Variants in GRM8 observed in about 807,000 individuals in gnomAD.
The protein encoded by GRM8 is glutamate metabotropic receptor 8, also known as metabotropic glutamate receptor 8.
Under a neutral mutation model 87.2 loss-of-function variants are expected in GRM8, and 47 were observed. The ratio of observed to expected loss-of-function variants is 0.54; its 90% CI spans 0.43 to 0.69. The LOEUF is 0.69. Among genes scored for constraint, GRM8 ranks in the 30% least tolerant of loss-of-function variants. The probability of loss-of-function intolerance (pLI) is 0.00; values close to 1 mark genes in which losing one functional copy is unlikely to be tolerated. For synonymous variants in GRM8, 396 were observed against 404.5 expected, an observed-to-expected ratio of 0.98 and a Z score of 0.25; for missense variants, 1,019 against 1,139.2, an observed-to-expected ratio of 0.89 and a Z score of 1.52.
At chr7:126,524,179 T>TA (rs977210667) in intron 9 of GRM8, among the ~76,000 whole-genome samples, 6 of 151,938 alleles carry the variant, frequency 3.9e-5, no homozygotes, top group Admixed American at 3.9e-4. Flanking sequence ...AACAAAAAGT[T>TA]AAAAAAAATC....
chr7:127,231,364 C>T (rs1023685530), intron 2 of GRM8, among the ~76,000 whole-genome samples: 4 of 152,284 alleles, frequency 2.6e-5, no homozygotes, highest in African/African-American at 9.6e-5. Context: ...TGATTTCTTT[C>T]CCTGTGAAGT....
chr7:126,906,595 G>A lies in GRM8; in HGVS notation c.728-1912C>T, dbSNP rs1241587512. On this transcript the variant is annotated intron_variant, in intron 3 of 10. Transcript: ENST00000339582. The stretch of plus-strand genomic sequence containing the variant: ...AGGTTCATCAGCAGGAGAAATATAT[G>A]CTGAGCTTTATGCTTTAGGTAGACT... Among the ~76,000 whole-genome samples, 6 of 152,322 alleles carry A rather than the reference G, an allele frequency of 3.9e-5. No homozygotes were observed. In the South Asian group the frequency reaches 1.0e-3, roughly 26 times the overall value.
intron 7 of GRM8, among the ~76,000 whole-genome samples, chr7:126,722,452 A>G (rs1431399516): frequency 2.6e-5 from 4 of 152,094 alleles, no homozygotes; most frequent in Admixed American, 6.6e-5. Flanking sequence ...AGCCTTTTAG[A>G]TCTTTCTGCC....
chr7:126,804,015 TA>T (rs1792388689), intron 6 of GRM8, among the ~76,000 whole-genome samples: 1 of 148,780 alleles, frequency 6.7e-6, no homozygotes, highest in African/African-American at 2.6e-5. Context: ...AAAAATGGAA[TA>T]GTTAACTTAC....
chr7:126,975,042 A>T (rs1810847488), intron 3 of GRM8, among the ~76,000 whole-genome samples: 1 of 151,164 alleles, frequency 6.6e-6, no homozygotes, highest in African/African-American at 2.4e-5. Context: ...GAGGGCTCAT[A>T]GGTTGGAATC....
rs557753346 is a variant in GRM8 at position 127,242,916 on chromosome 7, T to C, written c.289A>G (p.Thr97Ala). ...GTGTCGAGGATGCGGACACCCAGAG[T>C]GATGTTGGAAAGGAGATCAGGGTCC... Reference protein sequence around the residue: ...NKDPDLLSNITLGVRILDTCS... With the variant: ...NKDPDLLSNIALGVRILDTCS... Residue 97 changes from threonine (T) to alanine (A), a missense_variant, in exon 2 of 11, where the codon ACT becomes GCT. Transcript: ENST00000339582. 1.5e-5 allele frequency: 24 copies of C among 1,613,828 alleles called. No individual in the cohort carries two copies. In the East Asian group the frequency reaches 5.1e-4, roughly 34 times the overall value.
intron 2 of GRM8, among the ~76,000 whole-genome samples, chr7:127,230,571 G>A (rs1797621573): frequency 6.6e-6 from 1 of 152,132 alleles, no homozygotes; most frequent in Non-Finnish European, 1.5e-5. Context: ...CAGAATTCAT[G>A]TTGAAATCCT....
intron 7 of GRM8, among the ~76,000 whole-genome samples, chr7:126,632,372 T>A (rs1268326747): frequency 2.0e-5 from 3 of 152,096 alleles, no homozygotes; most frequent in Non-Finnish European, 4.4e-5. Context: ...TATTAAAAAG[T>A]CAAGAAACAA....
intron 2 of GRM8, among the ~76,000 whole-genome samples, chr7:127,156,942 A>T (rs1350749054): frequency 1.3e-5 from 2 of 152,196 alleles, no homozygotes; most frequent in Non-Finnish European, 2.9e-5. Context: ...GCAGATGCAG[A>T]AATTATCTCA....
At chr7:126,638,131 T>C (rs535682827) in intron 7 of GRM8, among the ~76,000 whole-genome samples, 1 of 152,282 alleles carries the variant, frequency 6.6e-6, no homozygotes, top group East Asian at 1.9e-4. Flanking sequence ...ATAATACATT[T>C]ATATTTTTAA....
chr7:127,246,156 A>G (rs17863253), intron 1 of GRM8, among the ~76,000 whole-genome samples: 8,380 of 152,284 alleles, frequency 0.055, 273 homozygotes, highest in Middle Eastern at 0.088. Context: ...CTTTTAAAAA[A>G]CCTAAGGAAA....
At chr7:127,019,003 A>C (rs1815987232) in intron 3 of GRM8, among the ~76,000 whole-genome samples, 1 of 151,974 alleles carries the variant, frequency 6.6e-6, no homozygotes, top group Non-Finnish European at 1.5e-5. Context: ...AATCAAATAC[A>C]ATCCCTAGCT....
chr7:126,821,015 C>A (rs1794245452), intron 6 of GRM8, among the ~76,000 whole-genome samples: 1 of 152,158 alleles, frequency 6.6e-6, no homozygotes, highest in Non-Finnish European at 1.5e-5. Context: ...GGCAGAAGAA[C>A]TGCTTGAACC....
chr7:127,029,033 G>C (rs1303209300), intron 3 of GRM8, among the ~76,000 whole-genome samples: 1 of 152,130 alleles, frequency 6.6e-6, no homozygotes, highest in Non-Finnish European at 1.5e-5. Flanking sequence ...CTGGTACGTT[G>C]TGTCTTTGTT....
At chr7:126,643,057 G>A (rs6946865) in intron 7 of GRM8, among the ~76,000 whole-genome samples, 46,756 of 151,560 alleles carry the variant, frequency 0.31, 8,109 homozygotes, top group East Asian at 0.43. Flanking sequence ...TTGGGAGGGT[G>A]AGGAGGGTGG....
At chr7:126,837,422 G>A (rs1795906693) in intron 6 of GRM8, among the ~76,000 whole-genome samples, 2 of 152,308 alleles carry the variant, frequency 1.3e-5, no homozygotes, top group South Asian at 2.1e-4. Context: ...ATGCAAATAT[G>A]CCTTGACAAC....
At chr7:126,846,261 C>G (rs1563244162) in intron 6 of GRM8, among the ~76,000 whole-genome samples, 1 of 152,178 alleles carries the variant, frequency 6.6e-6, no homozygotes, top group South Asian at 2.1e-4. Flanking sequence ...TAAACTCCTT[C>G]ACTCAAAAAT....
At chr7:126,522,065 G>A (rs1270816105) in intron 9 of GRM8, among the ~76,000 whole-genome samples, 2 of 152,174 alleles carry the variant, frequency 1.3e-5, no homozygotes, top group East Asian at 3.9e-4. Flanking sequence ...TGCTCTTTTA[G>A]TCCAGACCAG....
intron 3 of GRM8, among the ~76,000 whole-genome samples, chr7:127,060,906 G>T (rs1489967509): frequency 1.3e-5 from 2 of 152,110 alleles, no homozygotes; most frequent in African/African-American, 2.4e-5. Context: ...AGCAAGTTCA[G>T]GGTTCCACAT....
Sources: allele counts gnomAD v4.1 joint callset (sites outside exome capture counted in the v4.1 genomes callset), GRCh38; gene constraint gnomAD v4.1.1; transcripts MANE v1.5; gene names NCBI Gene and HGNC (gene_info 2026-07-23, HGNC 2026-07-21).